The following PDE11A variants were observed in gnomAD, a reference collection of about 807,000 sequenced individuals.
PDE11A encodes phosphodiesterase 11A.
A neutral mutation model predicts 100.5 loss-of-function variants in PDE11A; 100 were observed. The ratio of observed to expected loss-of-function variants is 1.00; its 90% CI spans 0.85 to 1.18. The LOEUF is 1.18. Among genes scored for constraint, PDE11A ranks in the 50% most tolerant of loss-of-function variants. PDE11A has a pLI of 0.00. For synonymous variants in PDE11A, 381 were observed against 420.8 expected, an observed-to-expected ratio of 0.91 and a Z score of 1.16; for missense variants, 1,141 against 1,152.6, an observed-to-expected ratio of 0.99 and a Z score of 0.15.
At chr2:177,680,952 G>T in intron 15 of PDE11A, 49 bp from the exon 16 acceptor site, 1 of 1,021,776 alleles carries the variant, frequency 9.8e-7, no homozygotes, top group Non-Finnish European at 1.5e-6. Context: ...ACTGGAATGA[G>T]ATTTCCCAGT....
At chr2:177,692,586 C>T (rs2081056209) in intron 15 of PDE11A, among the ~76,000 whole-genome samples, 1 of 152,146 alleles carries the variant, frequency 6.6e-6, no homozygotes, top group South Asian at 2.1e-4. Flanking sequence ...TTATTCACTG[C>T]AGGGACTCAG....
At chr2:178,008,171 G>A (rs2086234723) in intron 2 of PDE11A, among the ~76,000 whole-genome samples, 1 of 152,086 alleles carries the variant, frequency 6.6e-6, no homozygotes, top group Non-Finnish European at 1.5e-5. Flanking sequence ...AATTAATATA[G>A]AACATAAAAA....
chr2:178,000,220 A>G (rs1272221918), intron 2 of PDE11A, among the ~76,000 whole-genome samples: 1 of 81,748 alleles, frequency 1.2e-5, no homozygotes, highest in Non-Finnish European at 3.4e-5. Context: ...CAATTCAGAA[A>G]AGAAGGGAAA....
At chr2:177,692,615 T>C (rs969342320) in intron 15 of PDE11A, among the ~76,000 whole-genome samples, 4 of 152,190 alleles carry the variant, frequency 2.6e-5, no homozygotes, top group African/African-American at 9.6e-5. Context: ...ACAGAAATCA[T>C]TTCAGAAAGT....
At chr2:177,813,730 G>C (rs545483495) in intron 9 of PDE11A, among the ~76,000 whole-genome samples, 2 of 152,028 alleles carry the variant, frequency 1.3e-5, no homozygotes, top group African/African-American at 4.8e-5. Context: ...TCTAGGCCAT[G>C]AACTACTTGT....
In PDE11A at chr2:177,628,898, G is replaced by A. The variant is rs546462722; in HGVS notation, c.*509C>T. 26 of 177,634 alleles carry A rather than the reference G, an allele frequency of 1.5e-4. No homozygotes were observed. The South Asian group carries it at 3.0e-3, about 21-fold the overall frequency. 11.0% of individuals were successfully genotyped at this position (177,634 alleles called of 1,614,324 possible). ...GCAATTCTAAAGGATCCATCAATAA[G>A]AAGCTCTAGGATTAAAAATAAAATA... On this transcript the variant is annotated 3_prime_UTR_variant, in exon 20 of 20. Coordinates refer to ENST00000286063, the MANE Select transcript of PDE11A (RefSeq NM_016953.4).
chr2:177,847,201 G>C (rs1034403294), intron 5 of PDE11A, among the ~76,000 whole-genome samples: 2 of 152,144 alleles, frequency 1.3e-5, no homozygotes, highest in Admixed American at 6.5e-5. Flanking sequence ...TCTCCATGGG[G>C]TCTGAGTAGG....
chr2:177,761,270 A>C (rs1168279689), intron 10 of PDE11A, among the ~76,000 whole-genome samples: 2 of 152,180 alleles, frequency 1.3e-5, no homozygotes, highest in African/African-American at 4.8e-5. Flanking sequence ...ACAGGACAAC[A>C]ACCAGGAACA....
intron 6 of PDE11A, among the ~76,000 whole-genome samples, chr2:177,835,327 G>A (rs1391111323): frequency 6.6e-5 from 10 of 152,112 alleles, no homozygotes; most frequent in Non-Finnish European, 1.5e-4. Flanking sequence ...CCTGAGGCAG[G>A]GGGGCTCCTT....
chr2:177,969,995 G>C (rs2085750160), intron 2 of PDE11A, among the ~76,000 whole-genome samples: 1 of 152,102 alleles, frequency 6.6e-6, no homozygotes, highest in African/African-American at 2.4e-5. Context: ...TATCATATGG[G>C]GAACTTTAAT....
intron 4 of PDE11A, among the ~76,000 whole-genome samples, chr2:177,886,591 G>GA (rs777906098): frequency 1.3e-5 from 2 of 152,020 alleles, no homozygotes; most frequent in Non-Finnish European, 2.9e-5. Context: ...TTAAGTATTA[G>GA]AATCACAAAA....
At chr2:177,648,250 C>T (rs2080253263) in intron 19 of PDE11A, among the ~76,000 whole-genome samples, 1 of 152,174 alleles carries the variant, frequency 6.6e-6, no homozygotes, top group Admixed American at 6.5e-5. Flanking sequence ...AGTCTGTCTA[C>T]TGGAAGACCC....
At chr2:177,954,086 C>T (rs1438410915) in intron 2 of PDE11A, among the ~76,000 whole-genome samples, 1 of 151,418 alleles carries the variant, frequency 6.6e-6, no homozygotes, top group Non-Finnish European at 1.5e-5. Context: ...CTAGAATGCT[C>T]TTTCCTATTC....
intron 4 of PDE11A, among the ~76,000 whole-genome samples, chr2:177,888,938 A>G (rs2084484376): frequency 6.6e-6 from 1 of 152,238 alleles, no homozygotes; most frequent in Non-Finnish European, 1.5e-5. Context: ...ATTTGTATCT[A>G]CAAGTATATG....
intron 5 of PDE11A, among the ~76,000 whole-genome samples, chr2:177,867,087 G>A (rs1449549734): frequency 1.3e-5 from 2 of 152,146 alleles, no homozygotes; most frequent in African/African-American, 4.8e-5. Context: ...ATGTGTGTGT[G>A]TATACTTGTG....
intron 10 of PDE11A, among the ~76,000 whole-genome samples, chr2:177,765,003 TG>T (rs1447488279): frequency 2.6e-5 from 4 of 152,226 alleles, no homozygotes; most frequent in Non-Finnish European, 5.9e-5. Context: ...CTGACATTCT[TG>T]GATGAGTAAT....
At chr2:177,774,925 G>T (rs1558932153) in intron 9 of PDE11A, among the ~76,000 whole-genome samples, 1 of 152,168 alleles carries the variant, frequency 6.6e-6, no homozygotes, top group African/African-American at 2.4e-5. Flanking sequence ...CCTTGAGATG[G>T]ATTATCTTGG....
intron 9 of PDE11A, among the ~76,000 whole-genome samples, chr2:177,777,132 C>G (rs1188415141): frequency 6.6e-6 from 1 of 152,112 alleles, no homozygotes; most frequent in Non-Finnish European, 1.5e-5. Context: ...TATAAATTAC[C>G]CAGTCTTGGG....
chr2:177,670,790 T>C (rs921147434), intron 17 of PDE11A, among the ~76,000 whole-genome samples: 2 of 152,198 alleles, frequency 1.3e-5, no homozygotes, highest in Non-Finnish European at 2.9e-5. Flanking sequence ...GAGAGTAGCA[T>C]GTGTGCAGTC....
Sources: gnomAD v4.1 joint callset for allele counts (sites outside exome capture counted in the v4.1 genomes callset) on GRCh38, gnomAD v4.1.1 for gene constraint, MANE v1.5 for transcripts, NCBI Gene and HGNC (gene_info 2026-07-23, HGNC 2026-07-21) for gene names.